TREML2: variants seen among roughly 807,000 people sequenced by gnomAD.
TREML2 encodes the protein triggering receptor expressed on myeloid cells like 2.
In TREML2, 24 loss-of-function variants were observed where a neutral mutation model predicts 25.9. The observed-to-expected ratio is 0.93, with a 90% CI of 0.67 to 1.30. TREML2 has a LOEUF of 1.30. Among genes scored for constraint, TREML2 ranks in the 50% most tolerant of loss-of-function variants. The pLI is 0.00. For missense variants in TREML2, 359 were observed against 395.6 expected (o/e 0.91, Z 0.78); for synonymous variants, 139 against 155.2 (o/e 0.90, Z 0.77).
chr6:41,196,677 TGTTTATCTATG>T (rs1766171993), intron 2 of TREML2, among the ~76,000 whole-genome samples: 1 of 152,102 alleles, frequency 6.6e-6, no homozygotes, highest in African/African-American at 2.4e-5. Context: ...AACCCCTTAC[TGTTTATCTATG>T]ATTCTGTATC....
chr6:41,192,927 C>A, intron 3 of TREML2, 26 bp from the exon 4 acceptor site: 1 of 1,521,366 alleles, frequency 6.6e-7, no homozygotes, highest in Admixed American at 2.1e-5. Flanking sequence ...AGGGTGGAAG[C>A]GGGTGAGCAC....
rs1383743791 is a variant in TREML2, at chr6:41,192,863, A to G, written c.824T>C (p.Leu275Pro). ...DVYSTVLGVV[L>P]TLLVLMLIMV... ...GATCAGCATCAGCACCAGGAGGGTC[A>G]GCACCACCCCAAGCACAGTGGAGTA... The change falls in exon 4 of 5, where the codon CTG (leucine) becomes CCG (proline). Residue 275 changes from leucine (L) to proline (P), a missense_variant. Leu to Pro is a moderately conservative substitution (Grantham distance 98). Coordinates refer to ENST00000483722, the MANE Select transcript of TREML2 (RefSeq NM_024807.4). 6.2e-7 allele frequency: 1 copy of G among 1,604,454 alleles called. No individual in the cohort carries two copies. The highest frequency in any genetic ancestry group is 8.5e-7 in the Non-Finnish European group (1 of 1,175,086).
intron 2 of TREML2, among the ~76,000 whole-genome samples, chr6:41,195,887 A>G (rs935067592): frequency 3.9e-5 from 6 of 152,320 alleles, no homozygotes; most frequent in Admixed American, 3.3e-4. Flanking sequence ...AAGAGGGCCA[A>G]GAAGAGGTAA....
chr6:41,196,426 T>C (rs980583854), intron 2 of TREML2, among the ~76,000 whole-genome samples: 3 of 152,198 alleles, frequency 2.0e-5, no homozygotes, highest in Non-Finnish European at 4.4e-5. Context: ...CCGGGGTCTT[T>C]AGCTGAGTCC....
At position 41,194,406 on chromosome 6, in the gene TREML2, C is replaced by T; in HGVS notation, c.785+19G>A. ...GGCACTAAGTGCTGGTGCCACTCAA[C>T]CCCAGGCCCCACAGGTACCTGATGG... On this transcript the variant is annotated intron_variant, in intron 3 of 4. Transcript: ENST00000483722. The T allele has an allele frequency of 6.5e-7, 1 of 1,533,028 alleles. No homozygotes were observed. Among genetic ancestry groups the T allele is most frequent in the Non-Finnish European group, 8.8e-7 (1 of 1,136,060 alleles). The allele number at this position is 1,533,028 out of a possible 1,614,324, so 95.0% of individuals were successfully genotyped here. A position where few individuals can be genotyped will look rare whatever the true frequency, so the allele number is the denominator to read the frequency against.
chr6:41,198,259 G>GCA lies in TREML2; in HGVS notation c.225_226insTG (p.Arg76CysfsTer42), dbSNP rs1352097490. ...TGGGCATCGTCCTGCAGCAAGTAGC[G>GCA]GGGCCCTTTCACCCAGACTCGGGCA... On this transcript the variant is annotated frameshift_variant, in exon 2 of 5. Transcript: ENST00000483722. LOFTEE classifies it high-confidence loss of function. The GCA allele has an allele frequency of 6.2e-7, 1 of 1,614,092 alleles. No homozygotes were observed. Among genetic ancestry groups the GCA allele is most frequent in the Non-Finnish European group, 8.5e-7 (1 of 1,180,048 alleles).
Position 41,200,686 on chromosome 6 carries a change from G to A in TREML2, c.55+268C>T, listed in dbSNP as rs907495526. Among the ~76,000 whole-genome samples, 3 of 152,184 alleles carry A rather than the reference G, an allele frequency of 2.0e-5. No homozygotes were observed. In the East Asian group the frequency reaches 5.8e-4, roughly 29 times the overall value. On this transcript the variant is annotated intron_variant, in intron 1 of 4. Transcript: ENST00000483722. Reference sequence around the variant, plus strand: ...AGCTATTTGTGTGAGGAAATTGAGGGCTCTGCTTTAAAGCCTGAGGAAGCC... The same window carrying A: ...AGCTATTTGTGTGAGGAAATTGAGGACTCTGCTTTAAAGCCTGAGGAAGCC...
At chr6:41,196,202 T>G (rs1217461966) in intron 2 of TREML2, among the ~76,000 whole-genome samples, 9 of 152,240 alleles carry the variant, frequency 5.9e-5, no homozygotes, top group African/African-American at 2.2e-4. Context: ...ATATAATGTT[T>G]AATGTTTCTA....
At chr6:41,197,912 G>C (rs577448326) in intron 2 of TREML2, among the ~76,000 whole-genome samples, 197 bp downstream of exon 2, 5 of 152,202 alleles carry the variant, frequency 3.3e-5, no homozygotes, top group African/African-American at 1.2e-4. Context: ...GAGTCACACT[G>C]GGTTTTCAGG....
chr6:41,197,228 CA>C (rs1254528425), intron 2 of TREML2, among the ~76,000 whole-genome samples: 2 of 152,340 alleles, frequency 1.3e-5, no homozygotes, highest in East Asian at 3.9e-4. Flanking sequence ...TCATACCATT[CA>C]CAATCCATCC....
rs140974034 is a variant in TREML2, at chr6:41,198,139, A to C, written c.346T>G (p.Leu116Val). The change falls in exon 2 of 5, where the codon TTG becomes GTG. Residue 116 changes from leucine (L) to valine (V), a missense_variant. Coordinates refer to ENST00000483722, the MANE Select transcript of TREML2 (RefSeq NM_024807.4). ...MRNTSGILYP[L>V]MGFQLDVSPA... The stretch of plus-strand genomic sequence containing the variant: ...GACACATCCAGCTGGAAGCCCATCA[A>C]GGGGTACAGGATCCCAGAGGTGTTG... 3.7e-6 allele frequency: 6 copies of C among 1,604,226 alleles called. No individual in the cohort carries two copies. In the African/African-American group the frequency reaches 8.0e-5, roughly 21 times the overall value.
intron 2 of TREML2, among the ~76,000 whole-genome samples, chr6:41,195,524 A>C (rs1056873500): frequency 2.0e-5 from 3 of 152,232 alleles, no homozygotes; most frequent in African/African-American, 7.2e-5. Context: ...ACTACTGTGC[A>C]TGGAAAGGGC....
At chr6:41,194,909 C>A in intron 2 of TREML2, 76 bp from the exon 3 acceptor site, 1 of 1,410,714 alleles carries the variant, frequency 7.1e-7, no homozygotes, top group African/African-American at 1.4e-5. Context: ...GCAACCCACA[C>A]AGTTGCCTGG....
At chr6:41,196,013 G>T (rs1453754804) in intron 2 of TREML2, among the ~76,000 whole-genome samples, 1 of 152,194 alleles carries the variant, frequency 6.6e-6, no homozygotes, top group Non-Finnish European at 1.5e-5. Context: ...TCTTCAGGGG[G>T]CAGTGGAATA....
intron 4 of TREML2, 65 bp from the exon 5 acceptor site, chr6:41,192,571 A>T (rs1582095260): frequency 1.3e-6 from 2 of 1,481,828 alleles, no homozygotes; most frequent in Non-Finnish European, 1.9e-6. Context: ...ATGCTCCTCC[A>T]CCAGCCCCAG....
At position 41,198,280 on chromosome 6, in the gene TREML2, G is replaced by T. The variant is rs778358643; in HGVS notation, c.205C>A (p.Arg69=). The T allele has an allele frequency of 2.5e-6, 4 of 1,614,032 alleles. No individual in the cohort carries two copies. The highest frequency in any genetic ancestry group is 2.2e-5 in the East Asian group (1 of 44,884). Residue 69 remains arginine, a synonymous_variant, in exon 2 of 5, where the codon CGA becomes AGA. Coordinates refer to ENST00000483722, the MANE Select transcript of TREML2 (RefSeq NM_024807.4). Reference sequence around the variant, plus strand: ...TAGCGGGGCCCTTTCACCCAGACTCGGGCAAAGCCAGGCTCACACTTCTTC... The same window carrying T: ...TAGCGGGGCCCTTTCACCCAGACTCTGGCAAAGCCAGGCTCACACTTCTTC... ...RKKKCEPGFA[R]VWVKGPRYLL... is the part of the protein sequence containing the mutation.
At position 41,201,090 on chromosome 6, in the gene TREML2, C is replaced by A; in HGVS notation, c.-82G>T. ...ACACAGGATGTGCCACCTGGGCCTG[C>A]CAGGGAAGGACCCGGGGTTCTAAAA... On this transcript the variant is annotated 5_prime_UTR_variant, in exon 1 of 5. Transcript: ENST00000483722. 6.6e-7 allele frequency: 1 copy of A among 1,526,362 alleles called. No homozygotes were observed. Among genetic ancestry groups the A allele is most frequent in the African/African-American group, 1.4e-5 (1 of 73,306 alleles). The allele number at this position is 1,526,362 out of a possible 1,614,324, so 94.6% of individuals were successfully genotyped here.
rs1052243879 is a variant in TREML2, at chr6:41,191,746, A to C, written c.*681T>G. The C allele has an allele frequency of 1.3e-5, 2 of 153,164 alleles. No individual in the cohort carries two copies. The highest frequency in any genetic ancestry group is 2.4e-5 in the African/African-American group (1 of 41,448). The allele number at this position is 153,164 out of a possible 1,614,324, so 9.5% of individuals were successfully genotyped here. Reference sequence around the variant, plus strand: ...TTAGCTGCCTGGTCACAGCTTTCTAAGGAGGCAGCGGCCAGCAGGAGGCAG... The same window carrying C: ...TTAGCTGCCTGGTCACAGCTTTCTACGGAGGCAGCGGCCAGCAGGAGGCAG... On this transcript the variant is annotated 3_prime_UTR_variant, in exon 5 of 5. Coordinates refer to ENST00000483722, the MANE Select transcript of TREML2 (RefSeq NM_024807.4).
rs1582095044 is a variant in TREML2, at chr6:41,192,281, C to G, written c.*146G>C. The G allele has an allele frequency of 1.5e-6, 1 of 682,664 alleles. No individual in the cohort carries two copies. The allele number at this position is 682,664 out of a possible 1,614,324, so 42.3% of individuals were successfully genotyped here. A position where few individuals can be genotyped will look rare whatever the true frequency, so the allele number is the denominator to read the frequency against. ...GCTGTGGGGCTGCTTAGGATGGCAG[C>G]CTCTGGGTTTGGGAAGTCCTGGGTG... On this transcript the variant is annotated 3_prime_UTR_variant, in exon 5 of 5. Coordinates refer to ENST00000483722, the MANE Select transcript of TREML2 (RefSeq NM_024807.4).
Sources: allele counts gnomAD v4.1 joint callset (sites outside exome capture counted in the v4.1 genomes callset), GRCh38; gene constraint gnomAD v4.1.1; transcripts MANE v1.5; gene names NCBI Gene and HGNC (gene_info 2026-07-23, HGNC 2026-07-21).